The following GNAZ variants were observed in gnomAD, a reference collection of about 807,000 sequenced individuals.
GNAZ encodes the protein G protein subunit alpha z.
Under a neutral mutation model 25.4 loss-of-function variants are expected in GNAZ, and 3 were observed. The ratio of observed to expected loss-of-function variants is 0.12; its 90% CI spans 0.05 to 0.30. The LOEUF is 0.30. Ranked by LOEUF, GNAZ falls within the 10% of genes least tolerant of loss-of-function variation. The pLI is 1.00. For missense variants in GNAZ, 241 were observed against 501.8 expected, an observed-to-expected ratio of 0.48 and a Z score of 4.97; for synonymous variants, 211 against 205.7, an observed-to-expected ratio of 1.03 and a Z score of -0.22.
chr22:23,123,719 T>C lies in GNAZ; in HGVS notation c.*288T>C. The C allele has an allele frequency of 2.3e-6, 1 of 428,962 alleles. No homozygotes were observed. 26.6% of individuals were successfully genotyped at this position (428,962 alleles called of 1,614,324 possible). A position where few individuals can be genotyped will look rare whatever the true frequency, so the allele number is the denominator to read the frequency against. The stretch of plus-strand genomic sequence containing the variant: ...ACTTGAGAAGCTGTCACAAGGTCAC[T>C]ACAAGCCCAACCTGCCCCTTCACTT... On this transcript the variant is annotated 3_prime_UTR_variant, in exon 3 of 3. Transcript: ENST00000615612.
chr22:23,079,761 G>A (rs1057042767), intron 1 of GNAZ, among the ~76,000 whole-genome samples: 5 of 152,148 alleles, frequency 3.3e-5, no homozygotes, highest in Non-Finnish European at 7.4e-5. Context: ...TGGACAGTCA[G>A]GGCAATTAAG....
At chr22:23,088,403 G>C (rs540234255) in intron 1 of GNAZ, among the ~76,000 whole-genome samples, 1 of 152,290 alleles carries the variant, frequency 6.6e-6, no homozygotes, top group African/African-American at 2.4e-5. Context: ...GTCACTGCGC[G>C]GGCCTCCTCC....
At chr22:23,083,879 G>A (rs982805186) in intron 1 of GNAZ, among the ~76,000 whole-genome samples, 13 of 152,228 alleles carry the variant, frequency 8.5e-5, no homozygotes, top group African/African-American at 3.1e-4. Flanking sequence ...GGATCCTGAT[G>A]CTGCAGTAGT....
In GNAZ at chr22:23,123,745, TGCC is replaced by T; in HGVS notation, c.*315_*317del. 6 of 348,862 alleles carry T rather than the reference TGCC, an allele frequency of 1.7e-5. No individual in the cohort carries two copies. Among genetic ancestry groups the T allele is most frequent in the South Asian group, 7.9e-5 (2 of 25,476 alleles). The allele number at this position is 348,862 out of a possible 1,614,324, so 21.6% of individuals were successfully genotyped here. A position where few individuals can be genotyped will look rare whatever the true frequency, so the allele number is the denominator to read the frequency against. On this transcript the variant is annotated 3_prime_UTR_variant, in exon 3 of 3. Transcript: ENST00000615612. Reference sequence around the variant, plus strand: ...ACAAGCCCAACCTGCCCCTTCACTTTGCCTTCCTGAGTTGGCCCCACTCCACTT... The same window carrying T: ...ACAAGCCCAACCTGCCCCTTCACTTTTTCCTGAGTTGGCCCCACTCCACTT...
chr22:23,096,695 T>C (rs2069136024), intron 2 of GNAZ, among the ~76,000 whole-genome samples: 1 of 152,150 alleles, frequency 6.6e-6, no homozygotes, highest in Non-Finnish European at 1.5e-5. Flanking sequence ...GATCAATCCA[T>C]GTGATAGTTT....
intron 1 of GNAZ, among the ~76,000 whole-genome samples, chr22:23,089,863 C>T (rs2068918287): frequency 6.6e-6 from 1 of 152,110 alleles, no homozygotes; most frequent in East Asian, 1.9e-4. Flanking sequence ...CCTTAAGAGC[C>T]TACAGCCAAG....
At chr22:23,082,082 G>A (rs1158949952) in intron 1 of GNAZ, among the ~76,000 whole-genome samples, 1 of 148,380 alleles carries the variant, frequency 6.7e-6, no homozygotes, top group East Asian at 2.0e-4. Context: ...CCGAGATCGT[G>A]CCGCTGCACT....
At chr22:23,073,049 CAT>C (rs2068418205) in intron 1 of GNAZ, among the ~76,000 whole-genome samples, 1 of 152,244 alleles carries the variant, frequency 6.6e-6, no homozygotes, top group Admixed American at 6.5e-5. Flanking sequence ...TGTGTGAACA[CAT>C]GTGTGCGGCT....
chr22:23,121,687 G>T (rs2070028569), intron 2 of GNAZ, among the ~76,000 whole-genome samples: 1 of 151,474 alleles, frequency 6.6e-6, no homozygotes, highest in South Asian at 2.1e-4. Flanking sequence ...CATTACCACG[G>T]TCACTGGTGA....
chr22:23,108,685 A>G (rs756003641), intron 2 of GNAZ, among the ~76,000 whole-genome samples: 9 of 152,226 alleles, frequency 5.9e-5, no homozygotes, highest in Non-Finnish European at 1.2e-4. Context: ...CCTGCATGCA[A>G]TGTCCCAGGG....
rs528515662 is a variant in GNAZ, at chr22:23,116,301, G to A, written c.724-6786G>A. On this transcript the variant is annotated intron_variant, in intron 2 of 2. Coordinates refer to ENST00000615612, the MANE Select transcript of GNAZ (RefSeq NM_002073.4). ...TGGAGGTGGAGCTGCGGGTGCAGAG[G>A]GAAAAAGACACCTGGGTCATGAAGG... 3.3e-5 allele frequency among the ~76,000 whole-genome samples: 5 copies of A among 152,380 alleles called. No homozygotes were observed. In the East Asian group the frequency reaches 9.6e-4, roughly 29 times the overall value.
At chr22:23,102,481 G>A (rs1371195941) in intron 2 of GNAZ, among the ~76,000 whole-genome samples, 2 of 152,234 alleles carry the variant, frequency 1.3e-5, no homozygotes, top group Non-Finnish European at 2.9e-5. Flanking sequence ...GCTTCCAAGG[G>A]TGGGGCCATT....
chr22:23,123,526 A>G lies in GNAZ; in HGVS notation c.*95A>G, dbSNP rs1436666236. 9 of 742,204 alleles carry G rather than the reference A, an allele frequency of 1.2e-5. No homozygotes were observed. In the Admixed American group the frequency reaches 1.3e-4, roughly 11 times the overall value. 46.0% of individuals were successfully genotyped at this position (742,204 alleles called of 1,614,324 possible). A position where few individuals can be genotyped will look rare whatever the true frequency, so the allele number is the denominator to read the frequency against. On this transcript the variant is annotated 3_prime_UTR_variant, in exon 3 of 3. Transcript: ENST00000615612. Reference sequence around the variant, plus strand: ...GAGGCCCAATCCAGGGGCAGAAAACAGGGGGCCTAAAGAATGTCCCCCACC... The same window carrying G: ...GAGGCCCAATCCAGGGGCAGAAAACGGGGGGCCTAAAGAATGTCCCCCACC...
chr22:23,074,555 C>G (rs1246962852), intron 1 of GNAZ, among the ~76,000 whole-genome samples: 1 of 152,116 alleles, frequency 6.6e-6, no homozygotes, highest in Non-Finnish European at 1.5e-5. Context: ...AGGTGGCAAC[C>G]TGGAGCCCCT....
At chr22:23,110,253 A>C (rs974580522) in intron 2 of GNAZ, among the ~76,000 whole-genome samples, 1 of 151,954 alleles carries the variant, frequency 6.6e-6, no homozygotes, top group African/African-American at 2.4e-5. Flanking sequence ...TCTAGAATGG[A>C]AATGTTTTGA....
intron 2 of GNAZ, among the ~76,000 whole-genome samples, 191 bp from the exon 3 acceptor site, chr22:23,122,896 G>A (rs2070072409): frequency 6.6e-6 from 1 of 152,238 alleles, no homozygotes; most frequent in African/African-American, 2.4e-5. Context: ...CAAGGAGGGT[G>A]CTGCCGGCTA....
intron 2 of GNAZ, among the ~76,000 whole-genome samples, chr22:23,112,394 T>C (rs988975385): frequency 5.3e-5 from 8 of 152,168 alleles, no homozygotes; most frequent in Non-Finnish European, 1.0e-4. Context: ...TCCAGGGACC[T>C]GGTCAGTGGC....
Position 23,124,012 on chromosome 22 carries a change from T to C in GNAZ, c.*581T>C, listed in dbSNP as rs1323492182. ...GACCTTAGGAGCCGGGTGACAGCAC[T>C]AACCAGACCTCCAGCCACTCACAGC... On this transcript the variant is annotated 3_prime_UTR_variant, in exon 3 of 3. Coordinates refer to ENST00000615612, the MANE Select transcript of GNAZ (RefSeq NM_002073.4). 2.2e-5 allele frequency: 5 copies of C among 230,714 alleles called. No homozygotes were observed. Among genetic ancestry groups the C allele is most frequent in the Non-Finnish European group, 4.4e-5 (5 of 114,350 alleles). 14.3% of individuals were successfully genotyped at this position (230,714 alleles called of 1,614,324 possible). A position where few individuals can be genotyped will look rare whatever the true frequency, so the allele number is the denominator to read the frequency against.
intron 2 of GNAZ, among the ~76,000 whole-genome samples, chr22:23,115,109 A>AT (rs1203881327): frequency 6.6e-6 from 1 of 152,150 alleles, no homozygotes; most frequent in Non-Finnish European, 1.5e-5. Flanking sequence ...AGCAAACTGC[A>AT]TGGGGTCCTG....
Sources: allele counts gnomAD v4.1 joint callset (sites outside exome capture counted in the v4.1 genomes callset), GRCh38; gene constraint gnomAD v4.1.1; transcripts MANE v1.5; gene names NCBI Gene and HGNC (gene_info 2026-07-23, HGNC 2026-07-21).